MYT1L: variants seen among roughly 807,000 people sequenced by gnomAD.
MYT1L encodes myelin transcription factor 1 like, also known as myelin transcription factor 1-like protein.
A neutral mutation model predicts 126.7 loss-of-function variants in MYT1L; 12 were observed. The observed-to-expected ratio is 0.09, with a 90% confidence interval of 0.06 to 0.15. MYT1L has a LOEUF of 0.15. MYT1L is among the 10% of genes least tolerant of loss of function. MYT1L has a pLI of 1.00. For synonymous variants in MYT1L, 541 were observed against 604.2 expected (o/e 0.90, Z 1.53); for missense variants, 979 against 1,585.2 (o/e 0.62, Z 6.49).
At chr2:2,002,915 C>G (rs11695684) in intron 4 of MYT1L, among the ~76,000 whole-genome samples, 2 of 151,992 alleles carry the variant, frequency 1.3e-5, no homozygotes, top group African/African-American at 4.8e-5. Flanking sequence ...GTGCCTTGCT[C>G]CTTCTTTACC....
At chr2:2,165,508 G>T (rs1438460761) in intron 3 of MYT1L, among the ~76,000 whole-genome samples, 1 of 152,112 alleles carries the variant, frequency 6.6e-6, no homozygotes, top group Non-Finnish European at 1.5e-5. Context: ...CAACAGAAAA[G>T]GAAGTTAATA....
At chr2:2,001,032 G>C (rs1412497858) in intron 4 of MYT1L, among the ~76,000 whole-genome samples, 1 of 152,126 alleles carries the variant, frequency 6.6e-6, no homozygotes, top group East Asian at 1.9e-4. Flanking sequence ...TGATGAGTTT[G>C]ATGTGTTTAG....
intron 1 of MYT1L, among the ~76,000 whole-genome samples, chr2:2,285,197 A>G (rs1310154137): frequency 6.6e-6 from 1 of 152,234 alleles, no homozygotes; most frequent in Admixed American, 6.5e-5. Context: ...CAGTGATTGC[A>G]GTTGCAAGAG....
At chr2:1,976,948 T>A (rs2060234745) in intron 8 of MYT1L, among the ~76,000 whole-genome samples, 1 of 152,178 alleles carries the variant, frequency 6.6e-6, no homozygotes, top group Non-Finnish European at 1.5e-5. Context: ...ACGTAAGTTG[T>A]CCAGAGCTAC....
At position 1,922,402 on chromosome 2, in the gene MYT1L, G is replaced by A. The variant is rs756469250; in HGVS notation, c.1367C>T (p.Ala456Val). The A allele has an allele frequency of 3.7e-6, 6 of 1,613,830 alleles. No homozygotes were observed. In the East Asian group the frequency reaches 8.9e-5, roughly 24 times the overall value. The change falls in exon 10 of 25, where the codon GCT becomes GTT. Residue 456 changes from alanine (A) to valine (V), a missense_variant. By Grantham distance (64) the Ala-to-Val change is moderately conservative. Transcript: ENST00000647738. The surrounding 1 kb of genome is among the most constrained non-coding windows in gnomAD (Gnocchi z 7.4). ...TGACCTCATATTGTCCCTCCTCCCA[G>A]CTTCCATGGCCATCTTCTCCCTCAT... ...KAMREKMAME[A>V]GRRDNMRSYE...
chr2:1,852,604 C>T lies in MYT1L; in HGVS notation c.2712-901G>A, dbSNP rs1488766681. Reference sequence around the variant, plus strand: ...CTGTCTCAAGAATAATGAGATCACACCGCAAACACATTTTCACTTTGAGCT... The same window carrying T: ...CTGTCTCAAGAATAATGAGATCACATCGCAAACACATTTTCACTTTGAGCT... On this transcript the variant is annotated intron_variant, in intron 18 of 24. Transcript: ENST00000647738. This position sits in a 1 kb window ranked among gnomAD's most constrained non-coding sequence, Gnocchi z 4.0. 6.6e-6 allele frequency among the ~76,000 whole-genome samples: 1 copy of T among 152,116 alleles called. No homozygotes were observed. Among genetic ancestry groups the T allele is most frequent in the East Asian group, 1.9e-4 (1 of 5,188 alleles).
At chr2:1,798,371 A>T (rs114430525) in intron 23 of MYT1L, among the ~76,000 whole-genome samples, 6,515 of 152,120 alleles carry the variant, frequency 0.043, 161 homozygotes, top group East Asian at 0.072. Flanking sequence ...TTAAATCTGG[A>T]CCTCTCCCTG....
intron 14 of MYT1L, 21 bp downstream of exon 14, chr2:1,903,059 A>G: frequency 6.3e-7 from 1 of 1,596,928 alleles, no homozygotes; most frequent in Non-Finnish European, 8.6e-7. Context: ...TCTCTCATGT[A>G]TAAGAGTGTG....
chr2:1,920,274 C>A (rs1170307016), intron 10 of MYT1L, among the ~76,000 whole-genome samples: 6 of 152,192 alleles, frequency 3.9e-5, no homozygotes, highest in African/African-American at 1.4e-4. Context: ...GAAGCAAGCA[C>A]CTTGAATTCC....
chr2:2,167,925 T>G (rs575065165), intron 3 of MYT1L, among the ~76,000 whole-genome samples: 1 of 152,362 alleles, frequency 6.6e-6, no homozygotes, highest in African/African-American at 2.4e-5. Flanking sequence ...GACTCAAACA[T>G]ACGTTATATA....
intron 2 of MYT1L, among the ~76,000 whole-genome samples, chr2:2,233,729 G>T (rs1440420192): frequency 6.6e-6 from 1 of 152,172 alleles, no homozygotes; most frequent in Non-Finnish European, 1.5e-5. Flanking sequence ...TGCTGCCTGG[G>T]AGGGTCAGCA....
intron 21 of MYT1L, among the ~76,000 whole-genome samples, chr2:1,831,434 A>T (rs1417776550): frequency 6.6e-6 from 1 of 151,838 alleles, no homozygotes; most frequent in Non-Finnish European, 1.5e-5. Flanking sequence ...GGTCCTGCCC[A>T]CTTCTGCGCC....
intron 3 of MYT1L, among the ~76,000 whole-genome samples, chr2:2,104,568 T>C (rs1208674204): frequency 2.0e-5 from 3 of 152,236 alleles, no homozygotes; most frequent in Non-Finnish European, 4.4e-5. Context: ...GCTCCAAGGC[T>C]GGCTCGCCAG....
intron 2 of MYT1L, among the ~76,000 whole-genome samples, chr2:2,237,422 T>G (rs1406840135): frequency 6.6e-6 from 1 of 152,200 alleles, no homozygotes; most frequent in Admixed American, 6.5e-5. Flanking sequence ...TCTCCTCGCA[T>G]CACTGTGCTG....
chr2:2,161,998 G>A (rs1453092564), intron 3 of MYT1L, among the ~76,000 whole-genome samples: 1 of 152,160 alleles, frequency 6.6e-6, no homozygotes, highest in Admixed American at 6.5e-5. Context: ...CACACTTGGT[G>A]GCGTTTACGT....
intron 9 of MYT1L, 120 bp from the exon 10 acceptor site, chr2:1,923,383 A>C (rs2053820641): frequency 2.4e-6 from 2 of 835,376 alleles, no homozygotes; most frequent in Non-Finnish European, 3.6e-6. Context: ...CTATCATCTC[A>C]CAGAACTGTA....
intron 21 of MYT1L, among the ~76,000 whole-genome samples, chr2:1,832,202 G>C (rs1438159894): frequency 6.6e-6 from 1 of 152,090 alleles, no homozygotes; most frequent in Non-Finnish European, 1.5e-5. Context: ...TATGAGAGGA[G>C]ATGCCAGCGA....
At chr2:2,155,691 G>A (rs1057390365) in intron 3 of MYT1L, among the ~76,000 whole-genome samples, 6 of 152,156 alleles carry the variant, frequency 3.9e-5, no homozygotes, top group Non-Finnish European at 7.3e-5. Flanking sequence ...GTTACTTTCT[G>A]CTGATGACTC....
intron 3 of MYT1L, among the ~76,000 whole-genome samples, chr2:2,169,146 G>A (rs1310250849): frequency 6.6e-6 from 1 of 152,120 alleles, no homozygotes; most frequent in African/African-American, 2.4e-5. Flanking sequence ...GCAGATGATG[G>A]GGTAGAATTA....
Sources: allele counts gnomAD v4.1 joint callset (sites outside exome capture counted in the v4.1 genomes callset), GRCh38; gene constraint gnomAD v4.1.1; non-coding constraint Gnocchi (gnomAD v3.1); transcripts MANE v1.5; gene names NCBI Gene and HGNC (gene_info 2026-07-23, HGNC 2026-07-21).